Variants in RNASE12 observed in about 807,000 individuals in gnomAD.
RNASE12 encodes probable inactive ribonuclease-like protein 12.
For synonymous variants in RNASE12, 55 were observed against 59.8 expected (o/e 0.92, Z 0.37); for missense variants, 161 against 177.6 (o/e 0.91, Z 0.53).
upstream of RNASE12, chr14:20,591,281 C>T: frequency 1.0e-6 from 1 of 985,374 alleles, no homozygotes. Flanking sequence ...TGGTCACTGT[C>T]ACAGGTAACA....
downstream of RNASE12, chr14:20,590,080 T>G (rs1884534254): frequency 9.4e-7 from 1 of 1,063,270 alleles, no homozygotes; most frequent in African/African-American, 1.6e-5. Flanking sequence ...GAATTTATGG[T>G]TTAATTCAGT....
chr14:20,590,543 TG>T lies in RNASE12; in HGVS notation c.180del (p.His60GlnfsTer46), dbSNP rs1436397904. The T allele has an allele frequency of 6.2e-7, 1 of 1,614,256 alleles. No individual in the cohort carries two copies. Among genetic ancestry groups the T allele is most frequent in the Admixed American group, 1.7e-5 (1 of 60,024 alleles). ...ATGAAGACATGCTCCTTTTTACAAG[TG>T]TGGTCAGGTTCCCTGATAACTCTTT... On this transcript the variant is annotated frameshift_variant, in exon 1 of 1. Transcript: ENST00000556526. LOFTEE classifies it low-confidence loss of function (END_TRUNC).
At chr14:20,590,627 C>T (rs1343428600) in exon 1 of RNASE12, 1 of 1,614,180 alleles carries the variant, frequency 6.2e-7, no homozygotes, top group Non-Finnish European at 8.5e-7. Context: ...TGAGGGTAGT[C>T]CACATGCAAG....
At chr14:20,591,003 T>G, upstream of RNASE12, 3 of 985,432 alleles carry the variant, frequency 3.0e-6, no homozygotes, top group South Asian at 1.4e-4. Context: ...TTTGTTTTGT[T>G]CTACAAGTTC....
rs1884544594 is a variant in RNASE12 at position 20,590,372 on chromosome 14, C to A, written c.352G>T (p.Ala118Ser). 3.7e-6 allele frequency: 6 copies of A among 1,614,184 alleles called. No homozygotes were observed. Among genetic ancestry groups the A allele is most frequent in the Non-Finnish European group, 5.1e-6 (6 of 1,180,032 alleles). Residue 118 changes from alanine (A) to serine (S), a missense_variant, in exon 1 of 1, where the codon GCC becomes TCC. Coordinates refer to ENST00000556526, the Ensembl canonical transcript of RNASE12. ...GTGGGGGAATAGTGGTACCTGCAGGCAGGGTATCTTGTGCCTTCAATGAGC... is the reference window on the plus strand; with the variant it reads ...GTGGGGGAATAGTGGTACCTGCAGGAAGGGTATCTTGTGCCTTCAATGAGC...
At chr14:20,590,995 T>G, upstream of RNASE12, 1 of 985,440 alleles carries the variant, frequency 1.0e-6, no homozygotes, top group Non-Finnish European at 1.2e-6. Context: ...CTGTTGTGTT[T>G]GTTTTGTTCT....
exon 1 of RNASE12, chr14:20,590,657 C>G (rs369270374): frequency 1.2e-6 from 2 of 1,614,142 alleles, no homozygotes; most frequent in Non-Finnish European, 1.7e-6. Flanking sequence ...GTTGACATCA[C>G]TGCTTCATCA....
At chr14:20,590,267 A>C in exon 1 of RNASE12, 2 of 1,610,906 alleles carry the variant, frequency 1.2e-6, no homozygotes, top group South Asian at 1.1e-5. Flanking sequence ...CAGACTCGGG[A>C]GCTGATCTTG....
chr14:20,590,428 C>A, exon 1 of RNASE12: 11 of 1,614,222 alleles, frequency 6.8e-6, no homozygotes, highest in Non-Finnish European at 9.3e-6. Flanking sequence ...CTTTGTCTCA[C>A]TCTGAAAGCA....
exon 1 of RNASE12, chr14:20,590,245 G>C: frequency 6.2e-7 from 1 of 1,604,062 alleles, no homozygotes; most frequent in African/African-American, 1.3e-5. Context: ...ATGCCATTGA[G>C]AGAAGAGATC....
chr14:20,590,887 C>A (rs919634252), upstream of RNASE12: 58 of 1,445,936 alleles, frequency 4.0e-5, no homozygotes, highest in African/African-American at 8.2e-4. Flanking sequence ...ATCACACTGA[C>A]CTTGCAAGAT....
chr14:20,590,163 T>C (rs45440293), downstream of RNASE12: 182,976 of 1,495,790 alleles, frequency 0.12, 11,818 homozygotes, highest in Non-Finnish European at 0.13. Flanking sequence ...TAATTACCAG[T>C]GGCTTCCCCT....
At chr14:20,591,192 T>G (rs777136074), upstream of RNASE12, 1 of 982,992 alleles carries the variant, frequency 1.0e-6, no homozygotes, top group Admixed American at 6.1e-5. Flanking sequence ...ACTCATCTAT[T>G]CTTCCCAATT....
At chr14:20,590,881 C>T (rs1884564365), upstream of RNASE12, 3 of 1,450,332 alleles carry the variant, frequency 2.1e-6, no homozygotes, top group Admixed American at 5.6e-5. Flanking sequence ...ATTAAAATCA[C>T]ACTGACCTTG....
chr14:20,590,446 G>T lies in RNASE12; in HGVS notation c.278C>A (p.Ala93Asp), dbSNP rs772541533. The change falls in exon 1 of 1, where the codon GCC becomes GAC. Residue 93 changes from alanine to aspartate, a missense_variant. Transcript: ENST00000556526. ...TGTCTCACTCTGAAAGCAGAAAATG[G>T]CCGAAAGGTTTTGGCAAGCAACCTT... The T allele has an allele frequency of 4.3e-6, 7 of 1,614,176 alleles. No homozygotes were observed. In the East Asian group the frequency reaches 1.1e-4, roughly 26 times the overall value.
upstream of RNASE12, chr14:20,590,829 G>T: frequency 6.6e-7 from 1 of 1,521,560 alleles, no homozygotes. Context: ...ACCCCTGGCT[G>T]CTCCCCCATC....
At chr14:20,590,211 C>A in exon 1 of RNASE12, 1 of 1,575,366 alleles carries the variant, frequency 6.3e-7, no homozygotes, top group South Asian at 1.2e-5. Context: ...CGGTCCAGGT[C>A]TGCCTCAGGC....
exon 1 of RNASE12, chr14:20,590,455 T>A (rs762546219): frequency 6.2e-7 from 1 of 1,614,184 alleles, no homozygotes; most frequent in Admixed American, 1.7e-5. Flanking sequence ...GGCCGAAAGG[T>A]TTTGGCAAGC....
chr14:20,590,290 T>C lies in RNASE12; in HGVS notation c.434A>G (p.Tyr145Cys), dbSNP rs1884541443. Reference sequence around the variant, plus strand: ...GGAGCTGATCTTGAGTTATTTAACATAGCCAAGGAAACTATCTGGCCTCAA... The same window carrying C: ...GGAGCTGATCTTGAGTTATTTAACACAGCCAAGGAAACTATCTGGCCTCAA... Residue 145 changes from tyrosine to cysteine, a missense_variant, in exon 1 of 1, where the codon TAT becomes TGT. Tyr to Cys is a radical substitution (Grantham distance 194). Coordinates refer to ENST00000556526, the Ensembl canonical transcript of RNASE12. 5 of 1,613,198 alleles carry C rather than the reference T, an allele frequency of 3.1e-6. No individual in the cohort carries two copies. In the African/African-American group the frequency reaches 5.3e-5, roughly 17 times the overall value.
Sources: gnomAD v4.1 joint callset for allele counts on GRCh38, gnomAD v4.1.1 for gene constraint, MANE v1.5 for transcripts, NCBI Gene and HGNC (gene_info 2026-07-23, HGNC 2026-07-21) for gene names.